The following LCORL variants were observed in gnomAD, a reference collection of about 807,000 sequenced individuals.
The protein encoded by LCORL is ligand-dependent nuclear receptor corepressor-like protein.
In LCORL, 41 loss-of-function variants were observed where a neutral mutation model predicts 141.8. The observed-to-expected ratio is 0.29, with a 90% CI of 0.23 to 0.38. The LOEUF (loss-of-function observed/expected upper bound fraction) is 0.38. LCORL is among the 10% of genes least tolerant of loss of function. LCORL has a pLI of 1.00. For missense variants in LCORL, 1,759 were observed against 2,035.0 expected (o/e 0.86, Z 2.61); for synonymous variants, 618 against 694.1 (o/e 0.89, Z 1.72).
chr4:17,874,915 T>G, exon 7 of LCORL: 2 of 1,233,858 alleles, frequency 1.6e-6, no homozygotes, highest in Non-Finnish European at 2.0e-6. Context: ...TTATATGATT[T>G]ATGGAGCAGA....
intron 4 of LCORL, among the ~76,000 whole-genome samples, chr4:17,930,504 G>T (rs1439474792): frequency 1.3e-5 from 2 of 152,094 alleles, no homozygotes; most frequent in Non-Finnish European, 2.9e-5. Flanking sequence ...TTTAAACCTA[G>T]GATATATGTG....
At chr4:17,989,603 T>C (rs955196044) in intron 1 of LCORL, among the ~76,000 whole-genome samples, 8 of 152,204 alleles carry the variant, frequency 5.3e-5, no homozygotes, top group African/African-American at 1.7e-4. Context: ...AAAACTTGAC[T>C]GTGTACCCTC....
intron 3 of LCORL, 61 bp downstream of exon 3, chr4:17,962,909 A>G: frequency 1.1e-6 from 1 of 921,192 alleles, no homozygotes; most frequent in Non-Finnish European, 1.6e-6. Flanking sequence ...TTAAGATAAA[A>G]AAAAAACTGT....
At chr4:17,947,007 G>A (rs1057092782) in intron 4 of LCORL, among the ~76,000 whole-genome samples, 7 of 151,972 alleles carry the variant, frequency 4.6e-5, no homozygotes, top group African/African-American at 7.2e-5. Context: ...TCCCACTTCC[G>A]GGTATTCACC....
intron 4 of LCORL, among the ~76,000 whole-genome samples, chr4:17,918,367 T>C (rs372753053): frequency 1.4e-3 from 216 of 152,182 alleles, no homozygotes; most frequent in African/African-American, 4.9e-3. Context: ...AGAAAATGTC[T>C]CTGAGAAAGC....
intron 1 of LCORL, among the ~76,000 whole-genome samples, chr4:17,995,918 T>C (rs12513171): frequency 0.25 from 37,315 of 151,946 alleles, 5,976 homozygotes; most frequent in African/African-American, 0.45. Context: ...ATCACTGAGA[T>C]AGATACATCC....
At chr4:17,842,266 G>T (rs779886523) in exon 8 of LCORL, 173 of 1,554,782 alleles carry the variant, frequency 1.1e-4, no homozygotes, top group Non-Finnish European at 1.4e-4. Context: ...AAAACAAAAA[G>T]CAACTGATAA....
intron 7 of LCORL, among the ~76,000 whole-genome samples, chr4:17,870,365 C>T (rs1199919079): frequency 6.6e-6 from 1 of 152,136 alleles, no homozygotes; most frequent in African/African-American, 2.4e-5. Flanking sequence ...TTGCAACTGC[C>T]TGAAAACACT....
At chr4:17,886,003 T>A in intron 6 of LCORL, 65 bp downstream of exon 6, 1 of 905,080 alleles carries the variant, frequency 1.1e-6, no homozygotes. Flanking sequence ...CAGAATAGTA[T>A]TAAGAGTTCT....
intron 7 of LCORL, among the ~76,000 whole-genome samples, chr4:17,859,939 C>A (rs1177678905): frequency 2.0e-5 from 3 of 152,100 alleles, no homozygotes; most frequent in African/African-American, 7.2e-5. Flanking sequence ...AAGTTCTCTA[C>A]AAGGAGAATT....
chr4:18,019,346 A>G (rs1044601249), intron 1 of LCORL, among the ~76,000 whole-genome samples: 1 of 152,252 alleles, frequency 6.6e-6, no homozygotes, highest in African/African-American at 2.4e-5. Context: ...CAATAAATAA[A>G]TAAATAACAA....
At chr4:18,017,151 A>G (rs1159559536) in intron 1 of LCORL, among the ~76,000 whole-genome samples, 1 of 152,132 alleles carries the variant, frequency 6.6e-6, no homozygotes, top group Non-Finnish European at 1.5e-5. Context: ...AATGACAGCA[A>G]TGGATTTAAC....
At chr4:17,983,221 T>G (rs1342700001) in intron 1 of LCORL, among the ~76,000 whole-genome samples, 1 of 152,218 alleles carries the variant, frequency 6.6e-6, no homozygotes, top group African/African-American at 2.4e-5. Flanking sequence ...TTTGTTCTGT[T>G]TGCTTAGGAT....
At chr4:17,975,398 TTTTG>T (rs1716748358) in intron 1 of LCORL, among the ~76,000 whole-genome samples, 1 of 151,784 alleles carries the variant, frequency 6.6e-6, no homozygotes, top group African/African-American at 2.4e-5. Flanking sequence ...TGCTGAATTC[TTTTG>T]TTTTTTTTTT....
intron 1 of LCORL, among the ~76,000 whole-genome samples, chr4:18,007,040 TTC>T (rs1722936077): frequency 6.6e-6 from 1 of 152,300 alleles, no homozygotes. Flanking sequence ...TCTCCCCCTC[TTC>T]TCTGTTTCCA....
intron 5 of LCORL, among the ~76,000 whole-genome samples, chr4:17,898,839 C>T (rs1050916409): frequency 3.3e-5 from 5 of 152,010 alleles, no homozygotes; most frequent in Non-Finnish European, 5.9e-5. Flanking sequence ...GGCTTGATTC[C>T]CTGAAATGGG....
intron 1 of LCORL, among the ~76,000 whole-genome samples, chr4:18,010,741 C>T (rs779880953): frequency 1.3e-5 from 2 of 152,010 alleles, no homozygotes; most frequent in East Asian, 1.9e-4. Context: ...CGTGAGCCAC[C>T]GGGCCCGGCC....
chr4:17,999,557 G>T (rs1407001508), intron 1 of LCORL, among the ~76,000 whole-genome samples: 2 of 152,104 alleles, frequency 1.3e-5, no homozygotes, highest in Admixed American at 1.3e-4. Flanking sequence ...GTGGTCTGTT[G>T]TTGACCAAAA....
chr4:17,982,603 C>A (rs1274392438), intron 1 of LCORL, among the ~76,000 whole-genome samples: 1 of 152,100 alleles, frequency 6.6e-6, no homozygotes, highest in Non-Finnish European at 1.5e-5. Context: ...ATGTCCTTTG[C>A]CCGCTTTTTA....
Sources: allele counts gnomAD v4.1 joint callset (sites outside exome capture counted in the v4.1 genomes callset), GRCh38; gene constraint gnomAD v4.1.1; transcripts MANE v1.5; gene names NCBI Gene and HGNC (gene_info 2026-07-23, HGNC 2026-07-21).